RERE: variants seen among roughly 807,000 people sequenced by gnomAD.
RERE encodes arginine-glutamic acid dipeptide repeats protein.
In RERE, 40 loss-of-function variants were observed where a neutral mutation model predicts 146.1. That is an observed-to-expected ratio of 0.27 (90% CI 0.21 to 0.36). RERE has a LOEUF of 0.36. Ranked by LOEUF, RERE falls within the 10% of genes least tolerant of loss-of-function variation. RERE has a pLI of 1.00. For missense variants in RERE, 1,933 were observed against 2,138.7 expected, an observed-to-expected ratio of 0.90 and a Z score of 1.90; for synonymous variants, 1,003 against 866.0, an observed-to-expected ratio of 1.16 and a Z score of -2.78.
intron 1 of RERE, among the ~76,000 whole-genome samples, chr1:8,687,975 T>C (rs1030095624): frequency 6.6e-6 from 1 of 152,206 alleles, no homozygotes; most frequent in Non-Finnish European, 1.5e-5. Flanking sequence ...AGAACTGCCA[T>C]ATAAAAATCT....
At chr1:8,795,992 AAAAAAAC>A (rs1360152025) in intron 1 of RERE, among the ~76,000 whole-genome samples, 5 of 150,900 alleles carry the variant, frequency 3.3e-5, no homozygotes, top group African/African-American at 9.7e-5. Flanking sequence ...CAAAAAAAAA[AAAAAAAC>A]AAAACAAAAC....
At chr1:8,664,817 C>T (rs1638534023) in intron 1 of RERE, among the ~76,000 whole-genome samples, 1 of 152,162 alleles carries the variant, frequency 6.6e-6, no homozygotes, top group South Asian at 2.1e-4. Flanking sequence ...CCACTTGAAT[C>T]AGGTTCTTGA....
intron 11 of RERE, chr1:8,424,898 C>T (rs1643987677): frequency 6.6e-6 from 1 of 152,558 alleles, no homozygotes; most frequent in African/African-American, 2.4e-5. Context: ...AGGGAACATT[C>T]TGGGAACTGC....
At chr1:8,699,321 CA>C (rs1361004866) in intron 1 of RERE, among the ~76,000 whole-genome samples, 2 of 152,120 alleles carry the variant, frequency 1.3e-5, no homozygotes, top group Admixed American at 1.3e-4. Flanking sequence ...GAATAGAACT[CA>C]AACTCAGACA....
intron 6 of RERE, among the ~76,000 whole-genome samples, chr1:8,548,295 A>T (rs1645891090): frequency 6.6e-6 from 1 of 152,208 alleles, no homozygotes; most frequent in Non-Finnish European, 1.5e-5. Flanking sequence ...GTTGAAGAGT[A>T]TCTTCTTATA....
At chr1:8,753,512 TTTTAA>T (rs1640579690) in intron 1 of RERE, 1 of 152,194 alleles carries the variant, frequency 6.6e-6, no homozygotes, top group Non-Finnish European at 1.5e-5. Flanking sequence ...TTTTAAAAGA[TTTTAA>T]AATGTCAACT....
intron 1 of RERE, among the ~76,000 whole-genome samples, chr1:8,694,416 C>A (rs1446902632): frequency 6.6e-6 from 1 of 152,062 alleles, no homozygotes; most frequent in Non-Finnish European, 1.5e-5. Flanking sequence ...ATACACCTAA[C>A]CAAGGAGGGG....
chr1:8,353,381 A>G lies in RERE; in HGVS notation c.*1706T>C, dbSNP rs1641169746. On this transcript the variant is annotated 3_prime_UTR_variant, in exon 23 of 23. Coordinates refer to ENST00000400908, the MANE Select transcript of RERE (RefSeq NM_001042681.2). ...CTGGTTTCTAGATCAAACTATCAGC[A>G]TCTCTTCCTGCTCCCTCTGCGGCCT... The G allele has an allele frequency of 6.6e-6, 1 of 152,258 alleles. No homozygotes were observed. Among genetic ancestry groups the G allele is most frequent in the Non-Finnish European group, 1.5e-5 (1 of 68,052 alleles). The allele number at this position is 152,258 out of a possible 1,614,324, so 9.4% of individuals were successfully genotyped here. A position where few individuals can be genotyped will look rare whatever the true frequency, so the allele number is the denominator to read the frequency against.
At chr1:8,759,445 T>C (rs1569731143) in intron 1 of RERE, among the ~76,000 whole-genome samples, 2 of 152,266 alleles carry the variant, frequency 1.3e-5, no homozygotes, top group South Asian at 4.1e-4. Context: ...AAACTATAGG[T>C]CACAGGTATT....
At chr1:8,634,784 G>A (rs530729212) in intron 2 of RERE, among the ~76,000 whole-genome samples, 9 of 152,288 alleles carry the variant, frequency 5.9e-5, no homozygotes, top group African/African-American at 2.2e-4. Context: ...CACCCAGGCT[G>A]GAGTGCAGTG....
In RERE at chr1:8,358,570, CTCTCCCGCA is replaced by C. The variant is rs1408890566; in HGVS notation, c.3956_3964del (p.Leu1319_Glu1321del). 6.8e-6 allele frequency: 11 copies of C among 1,606,486 alleles called. No homozygotes were observed. Among genetic ancestry groups the C allele is most frequent in the Non-Finnish European group, 9.3e-6 (11 of 1,176,960 alleles). On this transcript the variant is annotated inframe_deletion, in exon 20 of 23. Transcript: ENST00000400908. ...CTTCACCTCGAAGCCCGGCTTCATC[CTCTCCCGCA>C]GCTCCCGCTCTCGGATCTCCCGCTC... is the stretch of plus-strand genomic sequence containing the variant.
At chr1:8,593,274 A>G (rs902827816) in intron 4 of RERE, among the ~76,000 whole-genome samples, 10 of 152,198 alleles carry the variant, frequency 6.6e-5, no homozygotes, top group African/African-American at 2.4e-4. Flanking sequence ...GATAAGGGTC[A>G]GCTGTGTCCC....
rs1553127411 is a variant in RERE at position 8,647,641 on chromosome 1, A to ATGTGTGTG, written c.325+8324_325+8331dup. The stretch of plus-strand genomic sequence containing the variant: ...AAATGAGCTTCTATTTAAAATATGT[A>ATGTGTGTG]TGTGTGTGTGTGTGTGTGTGTGTGT... On this transcript the variant is annotated intron_variant, in intron 2 of 22. Transcript: ENST00000400908. Among the ~76,000 whole-genome samples the ATGTGTGTG allele has an allele frequency of 1.3e-3, 190 of 148,636 alleles. 1 individual carries two copies. The highest frequency in any genetic ancestry group is 3.7e-3 in the African/African-American group (149 of 40,472).
At chr1:8,446,680 T>A (rs946442903) in intron 11 of RERE, among the ~76,000 whole-genome samples, 3 of 152,170 alleles carry the variant, frequency 2.0e-5, no homozygotes, top group East Asian at 1.9e-4. Context: ...TGTTCATTTC[T>A]TTTCTTTTCT....
At chr1:8,798,557 A>G (rs536026387) in intron 1 of RERE, 2 of 217,544 alleles carry the variant, frequency 9.2e-6, no homozygotes, top group East Asian at 2.2e-4. Context: ...AGATATCATC[A>G]TGAAGAACAC....
chr1:8,547,399 A>C (rs1645877052), intron 6 of RERE, among the ~76,000 whole-genome samples: 1 of 149,592 alleles, frequency 6.7e-6, no homozygotes, highest in African/African-American at 2.5e-5. Context: ...AGAGGCAATA[A>C]AAGACTGATA....
chr1:8,396,621 C>T (rs951335801), intron 12 of RERE, among the ~76,000 whole-genome samples: 6 of 152,100 alleles, frequency 3.9e-5, no homozygotes, highest in Non-Finnish European at 5.9e-5. Flanking sequence ...AATTATACTT[C>T]CAAAGGTAAA....
intron 9 of RERE, among the ~76,000 whole-genome samples, chr1:8,496,850 G>GA (rs1281270896): frequency 1.3e-4 from 20 of 152,348 alleles, no homozygotes; most frequent in Admixed American, 2.0e-4. Flanking sequence ...AGTAGAGACA[G>GA]AACATGAAAT....
At chr1:8,780,947 C>T (rs183514955) in intron 1 of RERE, among the ~76,000 whole-genome samples, 3 of 152,094 alleles carry the variant, frequency 2.0e-5, no homozygotes, top group East Asian at 1.9e-4. Flanking sequence ...TGAGGCCAGG[C>T]GCGGTAGCTC....
Sources: gnomAD v4.1 joint callset for allele counts (sites outside exome capture counted in the v4.1 genomes callset) on GRCh38, gnomAD v4.1.1 for gene constraint, MANE v1.5 for transcripts, NCBI Gene and HGNC (gene_info 2026-07-23, HGNC 2026-07-21) for gene names.